The following CUBN variants were observed in gnomAD, a reference collection of about 807,000 sequenced individuals.
The protein encoded by CUBN is 460 kDa receptor.
Under a neutral mutation model 405.3 loss-of-function variants are expected in CUBN, and 282 were observed. The observed-to-expected ratio is 0.70, with a 90% confidence interval of 0.63 to 0.77. The LOEUF (loss-of-function observed/expected upper bound fraction) is 0.77. Ranked by LOEUF, CUBN falls within the 30% of genes least tolerant of loss-of-function variation. The probability of loss-of-function intolerance (pLI) is 0.00; values close to 1 mark genes in which losing one functional copy is unlikely to be tolerated. For synonymous variants in CUBN, 1,684 were observed against 1,617.0 expected (o/e 1.04, Z -0.99); for missense variants, 4,514 against 4,475.2 (o/e 1.01, Z -0.25).
At chr10:17,023,560 T>C (rs1403179454) in intron 27 of CUBN, 3 of 455,620 alleles carry the variant, frequency 6.6e-6, no homozygotes, top group Admixed American at 2.4e-5. Context: ...CAGGTTACCA[T>C]GGAAAGCCGT....
intron 28 of CUBN, among the ~76,000 whole-genome samples, chr10:17,002,546 C>G (rs772578169): frequency 2.0e-5 from 3 of 151,954 alleles, no homozygotes; most frequent in Non-Finnish European, 4.4e-5. Context: ...AATGGGGAGG[C>G]GAGACTCCTG....
At chr10:16,869,963 C>G (rs1490929567) in intron 58 of CUBN, 110 bp from the exon 59 acceptor site, 56 of 760,202 alleles carry the variant, frequency 7.4e-5, no homozygotes, top group Non-Finnish European at 1.3e-4. Flanking sequence ...GTAGAGCATT[C>G]AAAACTCACT....
chr10:16,976,287 A>T (rs1833092158), intron 31 of CUBN, among the ~76,000 whole-genome samples: 1 of 152,118 alleles, frequency 6.6e-6, no homozygotes, highest in Admixed American at 6.5e-5. Flanking sequence ...TTCATTCTTA[A>T]AGGAATTTTA....
At chr10:16,891,336 G>A (rs1276114823) in intron 54 of CUBN, among the ~76,000 whole-genome samples, 3 of 152,170 alleles carry the variant, frequency 2.0e-5, no homozygotes, top group African/African-American at 7.2e-5. Context: ...ATTATGATGG[G>A]GCTGTTGAGA....
At chr10:17,114,331 C>G in intron 7 of CUBN, 142 bp from the exon 8 acceptor site, 3 of 834,400 alleles carry the variant, frequency 3.6e-6, no homozygotes, top group Non-Finnish European at 6.0e-6. Context: ...CTTTTTCTTC[C>G]CATATGATTA....
At position 16,841,023 on chromosome 10, in the gene CUBN, C is replaced by T; in HGVS notation, c.9688G>A (p.Ala3230Thr). The change falls in exon 61 of 67, where the codon GCG (alanine) becomes ACG (threonine). Residue 3230 changes from alanine (A) to threonine (T), a missense_variant. This residue lies in a region of CUBN where 1,186 missense variants were observed against 1,186.9 expected (regional missense o/e 1.00). Coordinates refer to ENST00000377833, the MANE Select transcript of CUBN (RefSeq NM_001081.4). ...CCACAAAACGTTCCAGCCAAGTTCG[C>T]ATTTTCACTATCCCCATCATATAAC... Reference protein sequence around the residue: ...VKLYDGDSENANLAGTFCGST... With the variant: ...VKLYDGDSENTNLAGTFCGST... The T allele has an allele frequency of 1.9e-6, 3 of 1,614,104 alleles. No homozygotes were observed. The highest frequency in any genetic ancestry group is 2.5e-6 in the Non-Finnish European group (3 of 1,180,004).
At chr10:16,966,105 G>T (rs200766228) in intron 31 of CUBN, 2 of 417,054 alleles carry the variant, frequency 4.8e-6, no homozygotes, top group East Asian at 1.5e-4. Context: ...GAAATAGGGT[G>T]GGAGTCCCCC....
intron 60 of CUBN, among the ~76,000 whole-genome samples, chr10:16,841,723 C>T (rs1174659599): frequency 1.3e-5 from 2 of 152,062 alleles, no homozygotes; most frequent in East Asian, 1.9e-4. Context: ...CATAGTTTGT[C>T]CTCGTGCATT....
chr10:17,046,035 G>A lies in CUBN; in HGVS notation c.3389C>T (p.Pro1130Leu), dbSNP rs1835124793. 1.2e-6 allele frequency: 2 copies of A among 1,613,402 alleles called. No homozygotes were observed. Among genetic ancestry groups the A allele is most frequent in the African/African-American group, 1.3e-5 (1 of 74,872 alleles). Residue 1130 changes from proline (P) to leucine (L), a missense_variant, in exon 24 of 67, where the codon CCA becomes CTA. Transcript: ENST00000377833. ...LGIFYGSNLP[P>L]TIISHSNKLW... ...TTTGTTACTATGAGAGATGATTGTTGGGGGTAGATTTGAGCCATAGAATAT... is the reference window on the plus strand; with the variant it reads ...TTTGTTACTATGAGAGATGATTGTTAGGGGTAGATTTGAGCCATAGAATAT...
rs759351780 is a variant in CUBN at position 16,925,769 on chromosome 10, C to T, written c.6277G>A (p.Gly2093Ser). The change falls in exon 42 of 67, where the codon GGT (glycine) becomes AGT (serine). Residue 2093 changes from glycine (G) to serine (S), a missense_variant. Transcript: ENST00000377833. ...CCTCTGTCTGCATGCAAATATCCAC[C>T]GCAGCCTTCCCACAAAGAAACAAAG... ...GFNASFHKSC[G>S]GYLHADRGII... The T allele has an allele frequency of 4.0e-5, 64 of 1,613,632 alleles. No homozygotes were observed. The Admixed American group carries it at 5.3e-4, about 13-fold the overall frequency.
intron 60 of CUBN, among the ~76,000 whole-genome samples, chr10:16,841,892 G>A (rs1317027117): frequency 1.8e-5 from 2 of 113,490 alleles, no homozygotes; most frequent in African/African-American, 3.3e-5. Context: ...CAGCCTGGGT[G>A]ACAGTGCAAG....
At chr10:17,021,000 T>C (rs1834483881) in intron 27 of CUBN, among the ~76,000 whole-genome samples, 1 of 152,216 alleles carries the variant, frequency 6.6e-6, no homozygotes, top group Non-Finnish European at 1.5e-5. Flanking sequence ...GGTGTTTCTT[T>C]CAGTGGAGCT....
Position 16,868,141 on chromosome 10 carries a change from ACT to A in CUBN, c.9454+1493_9454+1494del, listed in dbSNP as rs141761832. ...ACCTACACAATTCTGTTAAGGCAAC[ACT>A]CTCTCACTGCCCGTGAGACTTGCTT... On this transcript the variant is annotated intron_variant, in intron 59 of 66. Coordinates refer to ENST00000377833, the MANE Select transcript of CUBN (RefSeq NM_001081.4). Among the ~76,000 whole-genome samples the A allele has an allele frequency of 1.0e-2, 1,517 of 152,134 alleles. 28 individuals carry two copies. The highest frequency in any genetic ancestry group is 0.034 in the African/African-American group (1,396 of 41,502).
intron 22 of CUBN, among the ~76,000 whole-genome samples, chr10:17,047,888 T>C (rs1331647872): frequency 6.6e-6 from 1 of 152,112 alleles, no homozygotes; most frequent in Non-Finnish European, 1.5e-5. Flanking sequence ...TCCTTGCAAA[T>C]TACCATAAAC....
chr10:17,085,495 G>C, intron 16 of CUBN, 102 bp downstream of exon 16: 1 of 1,188,808 alleles, frequency 8.4e-7, no homozygotes, highest in Non-Finnish European at 1.3e-6. Context: ...CTTGGTCTAA[G>C]ACAGTCAGTC....
At chr10:16,954,616 T>C (rs935217389) in intron 31 of CUBN, 68 bp from the exon 32 acceptor site, 12 of 1,533,396 alleles carry the variant, frequency 7.8e-6, no homozygotes, top group Admixed American at 3.6e-5. Context: ...TTCCACGAAC[T>C]GTCTGCACGC....
chr10:16,857,461 C>T (rs2131347964), intron 59 of CUBN, among the ~76,000 whole-genome samples: 1 of 152,286 alleles, frequency 6.6e-6, no homozygotes, highest in East Asian at 1.9e-4. Context: ...ATTTATCTTG[C>T]ATTATTTAGA....
chr10:17,068,560 A>G, intron 20 of CUBN, 45 bp downstream of exon 20: 1 of 1,489,754 alleles, frequency 6.7e-7, no homozygotes, highest in South Asian at 1.2e-5. Flanking sequence ...ACTTATTCTG[A>G]TACAAGCCCA....
At position 17,115,468 on chromosome 10, in the gene CUBN, C is replaced by T. The variant is rs1836871430; in HGVS notation, c.720+3G>A. 1 of 1,613,800 alleles carries T rather than the reference C, an allele frequency of 6.2e-7. No homozygotes were observed. Among genetic ancestry groups the T allele is most frequent in the Non-Finnish European group, 8.5e-7 (1 of 1,179,908 alleles). The stretch of plus-strand genomic sequence containing the variant: ...AGGAGGCACATTTGGGGAAGGGACC[C>T]ACCTCTCCAGCTTGCTCTCGCATTA... On this transcript the variant is annotated splice_donor_region_variant and intron_variant, in intron 7 of 66. Transcript: ENST00000377833.
Sources: gnomAD v4.1 joint callset for allele counts (sites outside exome capture counted in the v4.1 genomes callset) on GRCh38, gnomAD v4.1.1 for gene constraint, gnomAD v4.1.1 regional missense constraint, MANE v1.5 for transcripts, NCBI Gene and HGNC (gene_info 2026-07-23, HGNC 2026-07-21) for gene names.